Variants in MGAT4C observed in about 807,000 individuals in gnomAD.
The protein encoded by MGAT4C is MGAT4 family member C, also known as alpha-1,3-mannosyl-glycoprotein 4-beta-N-acetylglucosaminyltransferase C.
MGAT4C carries 19 observed loss-of-function variants against 40.1 expected under a neutral mutation model. The observed-to-expected ratio is 0.47, with a 90% CI of 0.33 to 0.70. MGAT4C has a LOEUF of 0.70. Ranked by LOEUF, MGAT4C falls within the 30% of genes least tolerant of loss-of-function variation. The pLI, the probability that MGAT4C is intolerant of heterozygous loss-of-function variation, is 0.02. For synonymous variants in MGAT4C, 181 were observed against 187.1 expected (o/e 0.97, Z 0.27); for missense variants, 491 against 563.2 (o/e 0.87, Z 1.30).
chr12:86,515,878 G>A (rs1297341182), intron 2 of MGAT4C, among the ~76,000 whole-genome samples: 1 of 151,866 alleles, frequency 6.6e-6, no homozygotes, highest in African/African-American at 2.4e-5. Flanking sequence ...GAGTAGCTGG[G>A]ACTACAGATG....
chr12:86,800,709 T>A (rs1202136187), intron 1 of MGAT4C, among the ~76,000 whole-genome samples: 1 of 151,886 alleles, frequency 6.6e-6, no homozygotes, highest in Non-Finnish European at 1.5e-5. Flanking sequence ...GGGAGGAAAG[T>A]GCCATTGTAA....
intron 1 of MGAT4C, among the ~76,000 whole-genome samples, chr12:86,174,663 C>T (rs894925412): frequency 6.6e-6 from 1 of 152,102 alleles, no homozygotes; most frequent in Non-Finnish European, 1.5e-5. Flanking sequence ...ATTCCAATAT[C>T]AAAACATTCT....
At chr12:86,483,875 G>C (rs896495152) in intron 2 of MGAT4C, among the ~76,000 whole-genome samples, 1 of 147,742 alleles carries the variant, frequency 6.8e-6, no homozygotes. Context: ...TGCACAGAGA[G>C]AGACCAAAAT....
At chr12:86,586,057 C>A (rs1307037020) in intron 2 of MGAT4C, among the ~76,000 whole-genome samples, 3 of 147,916 alleles carry the variant, frequency 2.0e-5, no homozygotes, top group African/African-American at 5.0e-5. Context: ...CCATTAACTC[C>A]TCATTTAGCA....
chr12:86,052,468 A>G (rs533571572), intron 1 of MGAT4C, among the ~76,000 whole-genome samples: 2 of 152,118 alleles, frequency 1.3e-5, no homozygotes, highest in East Asian at 3.9e-4. Context: ...AATCATATAA[A>G]TGTCAGGTAT....
At position 85,976,518 on chromosome 12, in the gene MGAT4C, C is replaced by T. The variant is rs777523702; in HGVS notation, c.*2771G>A. 2 of 150,450 alleles carry T rather than the reference C, an allele frequency of 1.3e-5. No individual in the cohort carries two copies. Among genetic ancestry groups the T allele is most frequent in the East Asian group, 3.9e-4 (2 of 5,148 alleles). 9.3% of individuals were successfully genotyped at this position (150,450 alleles called of 1,614,324 possible). A position where few individuals can be genotyped will look rare whatever the true frequency, so the allele number is the denominator to read the frequency against. ...GAGCTTAAATTATACAATTCTGAGG[C>T]ATTATTTAAGGTGCATACTGTATTT... On this transcript the variant is annotated 3_prime_UTR_variant, in exon 5 of 5. Coordinates refer to ENST00000611864, the MANE Select transcript of MGAT4C (RefSeq NM_001351288.2).
intron 1 of MGAT4C, among the ~76,000 whole-genome samples, chr12:86,749,391 G>A (rs1247886440): frequency 1.3e-5 from 2 of 151,606 alleles, no homozygotes; most frequent in African/African-American, 4.8e-5. Flanking sequence ...TCTGTAAGAT[G>A]TCTAATGTAA....
At chr12:86,441,269 C>A (rs899713430) in intron 2 of MGAT4C, among the ~76,000 whole-genome samples, 1 of 151,700 alleles carries the variant, frequency 6.6e-6, no homozygotes, top group Non-Finnish European at 1.5e-5. Context: ...AAAGCAGATG[C>A]ATAGACCAAT....
At chr12:86,683,903 T>C (rs570969093) in intron 2 of MGAT4C, among the ~76,000 whole-genome samples, 1 of 152,324 alleles carries the variant, frequency 6.6e-6, no homozygotes, top group South Asian at 2.1e-4. Context: ...AATTTCAACA[T>C]GCTCTTGTGC....
At chr12:86,094,382 A>T (rs1023384636) in intron 1 of MGAT4C, among the ~76,000 whole-genome samples, 2 of 152,180 alleles carry the variant, frequency 1.3e-5, no homozygotes, top group African/African-American at 4.8e-5. Flanking sequence ...TGCATAAATT[A>T]TCCCCAATTG....
intron 2 of MGAT4C, among the ~76,000 whole-genome samples, chr12:86,617,653 A>T (rs1962494944): frequency 6.6e-6 from 1 of 151,784 alleles, no homozygotes; most frequent in African/African-American, 2.4e-5. Flanking sequence ...CTGCCGCTGC[A>T]CTCCAGCCTG....
chr12:86,699,378 T>C (rs567278372), intron 2 of MGAT4C, among the ~76,000 whole-genome samples: 13 of 152,274 alleles, frequency 8.5e-5, no homozygotes, highest in African/African-American at 3.1e-4. Context: ...ATATACGTAT[T>C]TTGATTTATT....
chr12:86,673,763 C>T (rs962253266), intron 2 of MGAT4C, among the ~76,000 whole-genome samples: 1 of 151,624 alleles, frequency 6.6e-6, no homozygotes, highest in Non-Finnish European at 1.5e-5. Flanking sequence ...CAACAAGAGG[C>T]AAAGTTATGT....
At chr12:86,683,126 C>T (rs764837994) in intron 2 of MGAT4C, among the ~76,000 whole-genome samples, 91 of 152,128 alleles carry the variant, frequency 6.0e-4, no homozygotes, top group Non-Finnish European at 9.7e-4. Context: ...ATATGATATC[C>T]CTGTGCCTCA....
At chr12:86,603,115 T>C (rs1233628260) in intron 2 of MGAT4C, among the ~76,000 whole-genome samples, 2 of 150,238 alleles carry the variant, frequency 1.3e-5, no homozygotes, top group Non-Finnish European at 3.0e-5. Context: ...ATGAGAGAAA[T>C]TGGGAGATGT....
At chr12:86,798,910 A>G (rs1438008081) in intron 1 of MGAT4C, among the ~76,000 whole-genome samples, 1 of 151,870 alleles carries the variant, frequency 6.6e-6, no homozygotes, top group Non-Finnish European at 1.5e-5. Flanking sequence ...AAGAGTTGCC[A>G]TGTCTTAAAA....
intron 2 of MGAT4C, among the ~76,000 whole-genome samples, chr12:86,484,031 C>A (rs1377835780): frequency 6.6e-6 from 1 of 151,794 alleles, no homozygotes; most frequent in Non-Finnish European, 1.5e-5. Context: ...AATTTCCAGT[C>A]CAGATCAGCT....
intron 1 of MGAT4C, among the ~76,000 whole-genome samples, chr12:86,103,260 T>C (rs1236099857): frequency 6.6e-6 from 1 of 152,090 alleles, no homozygotes; most frequent in Non-Finnish European, 1.5e-5. Context: ...GAATAATATT[T>C]TATGTGGCAG....
At chr12:86,233,021 G>T (rs1407544767) in intron 1 of MGAT4C, among the ~76,000 whole-genome samples, 2 of 152,282 alleles carry the variant, frequency 1.3e-5, no homozygotes, top group African/African-American at 2.4e-5. Flanking sequence ...GCTGTAATTT[G>T]CCAGCAGTGG....
Sources: allele counts gnomAD v4.1 joint callset (sites outside exome capture counted in the v4.1 genomes callset), GRCh38; gene constraint gnomAD v4.1.1; transcripts MANE v1.5; gene names NCBI Gene and HGNC (gene_info 2026-07-23, HGNC 2026-07-21).